IGSF9B: variants seen among roughly 807,000 people sequenced by gnomAD.
IGSF9B encodes the protein immunoglobulin superfamily member 9B, also known as protein turtle homolog B.
A neutral mutation model predicts 143.7 loss-of-function variants in IGSF9B; 48 were observed. The ratio of observed to expected loss-of-function variants is 0.33; its 90% CI spans 0.26 to 0.42. The LOEUF (loss-of-function observed/expected upper bound fraction) is 0.42. Ranked by LOEUF, IGSF9B falls within the 20% of genes least tolerant of loss-of-function variation. IGSF9B has a pLI of 1.00. For missense variants in IGSF9B, 1,706 were observed against 1,980.0 expected, an observed-to-expected ratio of 0.86 and a Z score of 2.63; for synonymous variants, 903 against 833.1, an observed-to-expected ratio of 1.08 and a Z score of -1.44.
Position 133,935,762 on chromosome 11 carries a change from G to T in IGSF9B, c.822C>A (p.Asn274Lys). ...GGATGCGCACCCTCAGCTTCAGGTCGCTGCAAAGCGGCATGGGGACAGGGG... is the reference window on the plus strand; with the variant it reads ...GGATGCGCACCCTCAGCTTCAGGTCTCTGCAAAGCGGCATGGGGACAGGGG... ...YWQDENVYFQ[N>K]DLKLRVRILI... Residue 274 changes from asparagine to lysine, a missense_variant and splice_region_variant, in exon 7 of 20, where the codon AAC becomes AAA. Coordinates refer to ENST00000533871, the MANE Select transcript of IGSF9B (RefSeq NM_001277285.4). The T allele has an allele frequency of 6.2e-7, 1 of 1,611,018 alleles. No homozygotes were observed.
intron 15 of IGSF9B, among the ~76,000 whole-genome samples, chr11:133,924,489 C>T (rs75417568): frequency 3.3e-5 from 5 of 152,150 alleles, no homozygotes; most frequent in African/African-American, 9.7e-5. Flanking sequence ...AGCCCCTCCC[C>T]GACAAGAGGA....
intron 1 of IGSF9B, among the ~76,000 whole-genome samples, chr11:133,955,158 T>C (rs1308353004): frequency 6.6e-6 from 1 of 152,072 alleles, no homozygotes; most frequent in Non-Finnish European, 1.5e-5. Flanking sequence ...ATGCGGGCAT[T>C]GGAAGACGGC....
Position 133,920,412 on chromosome 11 carries a change from C to G in IGSF9B, c.3313G>C (p.Gly1105Arg). ...ACAGGGCCCCTGCCGGGCGACTTGC[C>G]TGCCCAACCCTTCGGTGCCTCCAGA... is the stretch of plus-strand genomic sequence containing the variant. ...LSLEAPKGWAGKSPGRGPVPA... is the reference protein window; with the variant it reads ...LSLEAPKGWARKSPGRGPVPA... Residue 1105 changes from glycine (G) to arginine (R), a missense_variant, in exon 18 of 20, where the codon GGC becomes CGC. Around this residue, in one of 7 missense-constraint regions of IGSF9B, gnomAD observed 880 missense variants for 762.9 expected, o/e 1.15. Transcript: ENST00000533871. 1 of 1,589,666 alleles carries G rather than the reference C, an allele frequency of 6.3e-7. No homozygotes were observed. Among genetic ancestry groups the G allele is most frequent in the Non-Finnish European group, 8.5e-7 (1 of 1,169,658 alleles).
At position 133,926,973 on chromosome 11, in the gene IGSF9B, C is replaced by T; in HGVS notation, c.1750G>A (p.Ala584Thr). 6.3e-7 allele frequency: 1 copy of T among 1,595,206 alleles called. No homozygotes were observed. The highest frequency in any genetic ancestry group is 8.5e-7 in the Non-Finnish European group (1 of 1,171,344). ...PETAYQFSVLAQNKLGTSAFS... is the reference protein window; with the variant it reads ...PETAYQFSVLTQNKLGTSAFS... ...GCGCTGGTTCCCAGCTTGTTCTGGG[C>T]CAGGACGCTGAACTGGTACGCTGTC... Residue 584 changes from alanine to threonine, a missense_variant, in exon 13 of 20, where the codon GCC becomes ACC. Transcript: ENST00000533871.
At position 133,928,874 on chromosome 11, in the gene IGSF9B, C is replaced by T. The variant is rs548976729; in HGVS notation, c.1631+797G>A. 2.8e-4 allele frequency among the ~76,000 whole-genome samples: 43 copies of T among 152,300 alleles called. 1 individual carries two copies. Among genetic ancestry groups the T allele is most frequent in the Middle Eastern group, 3.4e-3 (1 of 294 alleles). On this transcript the variant is annotated intron_variant, in intron 12 of 19. Transcript: ENST00000533871. This position sits in a 1 kb window ranked among gnomAD's most constrained non-coding sequence, Gnocchi z 4.7. ...CAGAGGAATGAAAACAATCGAGAAACACATGGTCCTAGAGAGAAAATGCAG... is the reference window on the plus strand; with the variant it reads ...CAGAGGAATGAAAACAATCGAGAAATACATGGTCCTAGAGAGAAAATGCAG...
At chr11:133,947,660 C>T (rs1330374854) in intron 1 of IGSF9B, among the ~76,000 whole-genome samples, 1 of 151,944 alleles carries the variant, frequency 6.6e-6, no homozygotes, top group African/African-American at 2.4e-5. Flanking sequence ...CTGGCCACCT[C>T]TCTGTGTCTG....
At chr11:133,910,768 C>T (rs1356454041) in intron 19 of IGSF9B, among the ~76,000 whole-genome samples, 1 of 152,182 alleles carries the variant, frequency 6.6e-6, no homozygotes, top group South Asian at 2.1e-4. Context: ...AGAGACAATG[C>T]AGGTCTCTGA....
rs780716076 is a variant in IGSF9B at position 133,931,945 on chromosome 11, GCTCT to G, written c.1110+122_1110+125del. Reference sequence around the variant, plus strand: ...GCACCCGCAGACCCCTACAGAAGCAGCTCTCTGTTTGCCCAGGGCTTTTGGAAGG... The same window carrying G: ...GCACCCGCAGACCCCTACAGAAGCAGCTGTTTGCCCAGGGCTTTTGGAAGG... On this transcript the variant is annotated intron_variant, in intron 8 of 19. Coordinates refer to ENST00000533871, the MANE Select transcript of IGSF9B (RefSeq NM_001277285.4). This position sits in a 1 kb window ranked among gnomAD's most constrained non-coding sequence, Gnocchi z 7.7. 8.4e-5 allele frequency: 125 copies of G among 1,482,990 alleles called. No homozygotes were observed. Among genetic ancestry groups the G allele is most frequent in the South Asian group, 2.5e-4 (19 of 76,768 alleles). The allele number at this position is 1,482,990 out of a possible 1,614,324, so 91.9% of individuals were successfully genotyped here.
Position 133,956,639 on chromosome 11 carries a change from G to C in IGSF9B, c.64+52C>G, listed in dbSNP as rs530912771. On this transcript the variant is annotated intron_variant, in intron 1 of 19. Transcript: ENST00000533871. ...CGGGAAACCGAGGGGCCGGGCGCGA[G>C]GGGCCGAGGGCGCCGGGAGGGGCAG... 2.8e-4 allele frequency: 359 copies of C among 1,285,396 alleles called. 4 individuals are homozygous for C. In the East Asian group the frequency reaches 9.0e-3, roughly 32 times the overall value. The allele number at this position is 1,285,396 out of a possible 1,614,324, so 79.6% of individuals were successfully genotyped here.
In IGSF9B at chr11:133,904,193, C is replaced by T. The variant is rs1939180257; in HGVS notation, c.*4876G>A. Reference sequence around the variant, plus strand: ...CACGTCAGGCTCCAGCTCCCCCTCTCTATCACCATCACCATCACCAAGGCC... The same window carrying T: ...CACGTCAGGCTCCAGCTCCCCCTCTTTATCACCATCACCATCACCAAGGCC... On this transcript the variant is annotated 3_prime_UTR_variant, in exon 20 of 20. Coordinates refer to ENST00000533871, the MANE Select transcript of IGSF9B (RefSeq NM_001277285.4). Among the ~76,000 whole-genome samples, 1 of 152,272 alleles carries T rather than the reference C, an allele frequency of 6.6e-6. No individual in the cohort carries two copies. The highest frequency in any genetic ancestry group is 1.5e-5 in the Non-Finnish European group (1 of 68,018).
At position 133,909,852 on chromosome 11, in the gene IGSF9B, AAC is replaced by A. The variant is rs1202314216; in HGVS notation, c.4106-577_4106-576del. On this transcript the variant is annotated intron_variant, in intron 19 of 19. Transcript: ENST00000533871. This position sits in a 1 kb window ranked among gnomAD's most constrained non-coding sequence, Gnocchi z 4.2. ...AGAGACAAACTGTCAAGACTTTAAA[AAC>A]ACAGAAATAAAATTTGCAGTTACTG... Among the ~76,000 whole-genome samples the A allele has an allele frequency of 6.6e-6, 1 of 152,238 alleles. No homozygotes were observed. The highest frequency in any genetic ancestry group is 1.9e-4 in the East Asian group (1 of 5,202).
chr11:133,948,617 CTGTGTGTG>C lies in IGSF9B; in HGVS notation c.65-2367_65-2360del, dbSNP rs59414581. ...TGGGTGCCATGAGTTTGCAGAGAAG[CTGTGTGTG>C]TGTGTGTGTGTGTGTGTGTGTGTGT... On this transcript the variant is annotated intron_variant, in intron 1 of 19. Coordinates refer to ENST00000533871, the MANE Select transcript of IGSF9B (RefSeq NM_001277285.4). The surrounding 1 kb of genome is among the most constrained non-coding windows in gnomAD (Gnocchi z 4.7). Among the ~76,000 whole-genome samples, 9,563 of 140,914 alleles carry C rather than the reference CTGTGTGTG, an allele frequency of 0.068. 434 individuals are homozygous for C. The highest frequency in any genetic ancestry group is 0.15 in the Admixed American group (2,106 of 14,342). 92.4% of individuals were successfully genotyped at this position (140,914 alleles called of 152,430 possible).
intron 1 of IGSF9B, among the ~76,000 whole-genome samples, chr11:133,947,125 G>T (rs1940068023): frequency 6.6e-6 from 1 of 152,026 alleles, no homozygotes; most frequent in South Asian, 2.1e-4. Flanking sequence ...GAGCAAGGCA[G>T]CAGGCGGGAG....
chr11:133,911,285 G>A (rs565093839), intron 19 of IGSF9B, among the ~76,000 whole-genome samples: 9 of 152,274 alleles, frequency 5.9e-5, no homozygotes, highest in Non-Finnish European at 1.0e-4. Context: ...GACATACTTC[G>A]ATAGAGGCAT....
At chr11:133,941,728 C>T (rs1939958439) in intron 3 of IGSF9B, among the ~76,000 whole-genome samples, 1 of 152,154 alleles carries the variant, frequency 6.6e-6, no homozygotes, top group African/African-American at 2.4e-5. Flanking sequence ...CCAGCTTTCC[C>T]GCCCAGCATT....
intron 18 of IGSF9B, among the ~76,000 whole-genome samples, chr11:133,918,054 G>C (rs536832665): frequency 6.6e-6 from 1 of 151,562 alleles, no homozygotes; most frequent in South Asian, 2.1e-4. Context: ...GACGGGGGGT[G>C]GGGGGCAGAA....
Position 133,909,146 on chromosome 11 carries a change from G to A in IGSF9B, c.4237C>T (p.Arg1413Cys), listed in dbSNP as rs1387351981. The change falls in exon 20 of 20, where the codon CGC becomes TGC. Residue 1413 changes from arginine to cysteine, a missense_variant. Physicochemically the swap from Arg to Cys is radical, Grantham distance 180 (BLOSUM62 -3). Around this residue, in one of 7 missense-constraint regions of IGSF9B, gnomAD observed 880 missense variants for 762.9 expected, o/e 1.15. Transcript: ENST00000533871. The surrounding 1 kb of genome is among the most constrained non-coding windows in gnomAD (Gnocchi z 4.2). ...PFARLSDLCHRQLPEDQTAIL... is the reference protein window; with the variant it reads ...PFARLSDLCHCQLPEDQTAIL... ...GCTGTCTGGTCTTCCGGAAGCTGGC[G>A]GTGGCACAAGTCTGAGAGCCGGGCA... The A allele has an allele frequency of 1.1e-5, 17 of 1,535,936 alleles. No individual in the cohort carries two copies. The highest frequency in any genetic ancestry group is 2.4e-5 in the East Asian group (1 of 40,908).
chr11:133,918,959 G>T, intron 18 of IGSF9B: 1 of 468,368 alleles, frequency 2.1e-6, no homozygotes, highest in Non-Finnish European at 4.4e-6. Flanking sequence ...GGGAGGAGGA[G>T]CGGGGACGGC....
rs116842826 is a variant in IGSF9B at position 133,916,803 on chromosome 11, G to A, written c.3983+2939C>T. On this transcript the variant is annotated intron_variant, in intron 18 of 19. Transcript: ENST00000533871. ...CTAGTCTAGGGCTCCCACACCTCCG[G>A]GGGCTGTGGAGGAGTCACAGCTGGG... Among the ~76,000 whole-genome samples, 1,415 of 152,258 alleles carry A rather than the reference G, an allele frequency of 9.3e-3. 7 individuals carry two copies. The highest frequency in any genetic ancestry group is 0.051 in the Middle Eastern group (15 of 294).
Sources: allele counts gnomAD v4.1 joint callset (sites outside exome capture counted in the v4.1 genomes callset), GRCh38; gene constraint gnomAD v4.1.1; regional missense constraint gnomAD v4.1.1; non-coding constraint Gnocchi (gnomAD v3.1); transcripts MANE v1.5; gene names NCBI Gene and HGNC (gene_info 2026-07-23, HGNC 2026-07-21).